MPPED2: variants seen among roughly 807,000 people sequenced by gnomAD.
MPPED2 encodes metallophosphoesterase MPPED2.
MPPED2 carries 5 observed loss-of-function variants against 33.0 expected under a neutral mutation model. The observed-to-expected ratio is 0.15, with a 90% confidence interval of 0.08 to 0.32. The LOEUF (loss-of-function observed/expected upper bound fraction) is 0.32, where lower values mean the gene tolerates loss of function less well. MPPED2 is among the 10% of genes least tolerant of loss of function. The pLI, the probability that MPPED2 is intolerant of heterozygous loss-of-function variation, is 1.00. For synonymous variants in MPPED2, 136 were observed against 141.9 expected, an observed-to-expected ratio of 0.96 and a Z score of 0.29; for missense variants, 275 against 372.1, an observed-to-expected ratio of 0.74 and a Z score of 2.15.
At chr11:30,457,474 G>T (rs1384251037) in intron 4 of MPPED2, among the ~76,000 whole-genome samples, 1 of 149,974 alleles carries the variant, frequency 6.7e-6, no homozygotes, top group African/African-American at 2.5e-5. Flanking sequence ...TTTTCAAATT[G>T]TTGGTATGTG....
chr11:30,449,318 T>A (rs111768233), intron 4 of MPPED2, among the ~76,000 whole-genome samples: 2 of 152,308 alleles, frequency 1.3e-5, no homozygotes, highest in African/African-American at 4.8e-5. Context: ...TGCCGCTTTG[T>A]CATAAGGAGT....
chr11:30,405,630 G>C (rs982247681), downstream of MPPED2, among the ~76,000 whole-genome samples: 2 of 152,218 alleles, frequency 1.3e-5, no homozygotes, highest in African/African-American at 4.8e-5. Flanking sequence ...AGTTCAGAGA[G>C]AGAGAAAGTT....
intron 2 of MPPED2, among the ~76,000 whole-genome samples, chr11:30,552,628 G>T (rs756151732): frequency 9.9e-5 from 15 of 151,758 alleles, no homozygotes; most frequent in Non-Finnish European, 2.1e-4. Context: ...CTCTCTCTCC[G>T]TTTAGACCAT....
At chr11:30,496,161 T>G (rs533039492) in intron 3 of MPPED2, among the ~76,000 whole-genome samples, 3 of 152,322 alleles carry the variant, frequency 2.0e-5, no homozygotes, top group African/African-American at 7.2e-5. Context: ...AGTTTAACCC[T>G]CTTTTAATAT....
At chr11:30,398,029 A>C (rs1197506387) in intron 6 of MPPED2, among the ~76,000 whole-genome samples, 1 of 152,152 alleles carries the variant, frequency 6.6e-6, no homozygotes, top group Non-Finnish European at 1.5e-5. Context: ...ATTTGTAGGA[A>C]ACAAAAGAAA....
At chr11:30,543,995 T>C (rs1250118999) in intron 2 of MPPED2, among the ~76,000 whole-genome samples, 1 of 152,074 alleles carries the variant, frequency 6.6e-6, no homozygotes, top group Non-Finnish European at 1.5e-5. Flanking sequence ...ACCAACTAAT[T>C]ATAGCTAACA....
chr11:30,406,758 T>C (rs1947996056), downstream of MPPED2, among the ~76,000 whole-genome samples: 2 of 152,292 alleles, frequency 1.3e-5, no homozygotes, highest in Admixed American at 1.3e-4. Flanking sequence ...ATTAGGACCA[T>C]CCCATCCTGG....
Position 30,410,355 on chromosome 11 carries a change from A to G in MPPED2, c.*1113T>C, listed in dbSNP as rs752992663. ...ATAAAATAGAATAAAGCTCAACAGC[A>G]TTTACAATGGGAAAACAGAAATGAC... On this transcript the variant is annotated 3_prime_UTR_variant, in exon 7 of 7. Transcript: ENST00000358117. 1.4e-5 allele frequency: 14 copies of G among 985,828 alleles called. No homozygotes were observed. Among genetic ancestry groups the G allele is most frequent in the Non-Finnish European group, 1.7e-5 (14 of 829,882 alleles). 61.1% of individuals were successfully genotyped at this position (985,828 alleles called of 1,614,324 possible). A position where few individuals can be genotyped will look rare whatever the true frequency, so the allele number is the denominator to read the frequency against.
chr11:30,419,494 T>C (rs1234371524), intron 4 of MPPED2, among the ~76,000 whole-genome samples: 1 of 152,142 alleles, frequency 6.6e-6, no homozygotes, highest in East Asian at 1.9e-4. Context: ...AGTAATAACA[T>C]AGTGGAGTGG....
intron 3 of MPPED2, among the ~76,000 whole-genome samples, chr11:30,527,920 C>T (rs4922836): frequency 0.23 from 34,540 of 152,150 alleles, 4,267 homozygotes; most frequent in East Asian, 0.41. Flanking sequence ...CATTTCCTGA[C>T]CATTCACTAC....
At chr11:30,386,397 C>A (rs1947702554) in exon 7 of MPPED2, 1 of 207,012 alleles carries the variant, frequency 4.8e-6, no homozygotes, top group Admixed American at 5.9e-5. Context: ...GACACTGCTT[C>A]CTGCATCATG....
chr11:30,408,102 A>G (rs1948018499), downstream of MPPED2, among the ~76,000 whole-genome samples: 1 of 152,176 alleles, frequency 6.6e-6, no homozygotes, highest in Admixed American at 6.5e-5. Flanking sequence ...ATAGAAAGTG[A>G]GTACCCAGGC....
At chr11:30,422,889 CAGAT>C (rs1202827412) in intron 4 of MPPED2, among the ~76,000 whole-genome samples, 1 of 152,166 alleles carries the variant, frequency 6.6e-6, no homozygotes, top group Non-Finnish European at 1.5e-5. Context: ...ACCAAAGACT[CAGAT>C]GGATGGAAGC....
chr11:30,560,311 T>TA (rs201349628), intron 2 of MPPED2, among the ~76,000 whole-genome samples: 1,846 of 149,362 alleles, frequency 0.012, 18 homozygotes, highest in South Asian at 0.028. Flanking sequence ...AGTTTTTTTT[T>TA]TAAAAAAAAA....
At chr11:30,438,620 C>T (rs16920676) in intron 4 of MPPED2, among the ~76,000 whole-genome samples, 5,651 of 152,300 alleles carry the variant, frequency 0.037, 351 homozygotes, top group African/African-American at 0.13. Context: ...CCATACATAA[C>T]TGCATAACCT....
Position 30,476,810 on chromosome 11 carries a change from T to A in MPPED2, c.536+18486A>T, listed in dbSNP as rs554344487. Among the ~76,000 whole-genome samples the A allele has an allele frequency of 5.9e-5, 9 of 152,186 alleles. No homozygotes were observed. The South Asian group carries it at 1.9e-3, about 32-fold the overall frequency. On this transcript the variant is annotated intron_variant, in intron 4 of 6. Coordinates refer to ENST00000358117, the MANE Select transcript of MPPED2 (RefSeq NM_001584.3). ...TGAGATTTTTACCCAATCAGTAGATTGAGCTGAATCTACAGATCAATTTAG... is the reference window on the plus strand; with the variant it reads ...TGAGATTTTTACCCAATCAGTAGATAGAGCTGAATCTACAGATCAATTTAG...
chr11:30,491,456 T>A (rs1260062519), intron 4 of MPPED2, among the ~76,000 whole-genome samples: 1 of 152,206 alleles, frequency 6.6e-6, no homozygotes, highest in Non-Finnish European at 1.5e-5. Context: ...ATAGTCTCCT[T>A]ATGAAGGTTG....
At chr11:30,401,168 T>C (rs1364971571) in intron 6 of MPPED2, among the ~76,000 whole-genome samples, 1 of 152,174 alleles carries the variant, frequency 6.6e-6, no homozygotes, top group Non-Finnish European at 1.5e-5. Context: ...GAAAAATCAG[T>C]AGAGAAGATT....
chr11:30,572,118 A>C (rs1956720131), intron 2 of MPPED2, among the ~76,000 whole-genome samples: 1 of 152,136 alleles, frequency 6.6e-6, no homozygotes, highest in Non-Finnish European at 1.5e-5. Flanking sequence ...TTCCAAACCC[A>C]AAATCCAGGT....
Sources: gnomAD v4.1 joint callset for allele counts (sites outside exome capture counted in the v4.1 genomes callset) on GRCh38, gnomAD v4.1.1 for gene constraint, MANE v1.5 for transcripts, NCBI Gene and HGNC (gene_info 2026-07-23, HGNC 2026-07-21) for gene names.